RAB2B: variants seen among roughly 807,000 people sequenced by gnomAD.
RAB2B encodes ras-related protein Rab-2B.
RAB2B carries 20 observed loss-of-function variants against 29.8 expected under a neutral mutation model. The ratio of observed to expected loss-of-function variants is 0.67; its 90% CI spans 0.47 to 0.97. The LOEUF is 0.97. Ranked by LOEUF, RAB2B falls within the 50% of genes least tolerant of loss-of-function variation. The pLI is 0.00. For synonymous variants in RAB2B, 93 were observed against 91.7 expected (o/e 1.01, Z -0.08); for missense variants, 218 against 272.0 (o/e 0.80, Z 1.40).
Position 21,467,035 on chromosome 14 carries a change from T to C in RAB2B, c.362+1322A>G, listed in dbSNP as rs538305089. 3.3e-5 allele frequency among the ~76,000 whole-genome samples: 5 copies of C among 152,198 alleles called. No individual in the cohort carries two copies. In the South Asian group the frequency reaches 6.2e-4, roughly 19 times the overall value. On this transcript the variant is annotated intron_variant, in intron 5 of 7. Transcript: ENST00000397762. ...AATTCTCCTGCCTCAAGCTCCCAAATAGCTGGGACTAGAGGTGCGTGCCAC... is the reference window on the plus strand; with the variant it reads ...AATTCTCCTGCCTCAAGCTCCCAAACAGCTGGGACTAGAGGTGCGTGCCAC...
rs190223790 is a variant in RAB2B at position 21,460,379 on chromosome 14, G to A, written c.*817C>T. 4.2e-6 allele frequency: 2 copies of A among 480,728 alleles called. No homozygotes were observed. The highest frequency in any genetic ancestry group is 8.3e-6 in the Non-Finnish European group (2 of 240,526). The allele number at this position is 480,728 out of a possible 1,614,324, so 29.8% of individuals were successfully genotyped here. A position where few individuals can be genotyped will look rare whatever the true frequency, so the allele number is the denominator to read the frequency against. ...AGGTGGGCGGATCACGAGGTCAAGAGATCAAGACCATCCTGGCCAACATGG... is the reference window on the plus strand; with the variant it reads ...AGGTGGGCGGATCACGAGGTCAAGAAATCAAGACCATCCTGGCCAACATGG... On this transcript the variant is annotated 3_prime_UTR_variant, in exon 8 of 8. Coordinates refer to ENST00000397762, the MANE Select transcript of RAB2B (RefSeq NM_032846.4).
rs77141968 is a variant in RAB2B, at chr14:21,472,682, T to C, written c.186+2185A>G. ...AAGAACTAGGCCAGTTGGATGACCA[T>C]GTAGTTCTTAAGGATTCTGTCCAAA... On this transcript the variant is annotated intron_variant, in intron 3 of 7. Transcript: ENST00000397762. Among the ~76,000 whole-genome samples the C allele has an allele frequency of 2.6e-4, 40 of 152,304 alleles. No individual in the cohort carries two copies. The East Asian group carries it at 7.1e-3, about 27-fold the overall frequency.
At chr14:21,471,315 T>TA (rs945443906) in intron 3 of RAB2B, among the ~76,000 whole-genome samples, 3 of 151,334 alleles carry the variant, frequency 2.0e-5, no homozygotes, top group Admixed American at 6.6e-5. Context: ...CCATCCCCAG[T>TA]AAAAAAATCT....
intron 6 of RAB2B, 97 bp downstream of exon 6, chr14:21,463,559 C>T: frequency 1.0e-6 from 1 of 954,838 alleles, no homozygotes; most frequent in Non-Finnish European, 1.6e-6. Flanking sequence ...GACATCCTTT[C>T]TTTACCAATT....
intron 1 of RAB2B, 39 bp downstream of exon 1, chr14:21,476,788 G>T (rs554310472): frequency 2.1e-5 from 32 of 1,559,500 alleles, no homozygotes; most frequent in African/African-American, 2.0e-4. Flanking sequence ...AGCTTCGAAT[G>T]CCCGCCCGAG....
chr14:21,474,185 C>CT (rs962133026), intron 3 of RAB2B, among the ~76,000 whole-genome samples: 1 of 152,002 alleles, frequency 6.6e-6, no homozygotes, highest in Non-Finnish European at 1.5e-5. Flanking sequence ...GAGTGAATCT[C>CT]TGTCTCAAAA....
At chr14:21,464,181 C>G (rs1890635101) in intron 5 of RAB2B, among the ~76,000 whole-genome samples, 1 of 151,712 alleles carries the variant, frequency 6.6e-6, no homozygotes, top group Admixed American at 6.6e-5. Context: ...GCAGGTGGAT[C>G]ACGAGTTCAG....
intron 3 of RAB2B, among the ~76,000 whole-genome samples, chr14:21,473,176 A>G (rs1890860918): frequency 6.6e-6 from 1 of 152,204 alleles, no homozygotes; most frequent in Admixed American, 6.5e-5. Context: ...TGGGGAGGGA[A>G]GGAGAGGAAA....
chr14:21,471,014 AAAAAAAAAAATAG>A (rs1288522652), intron 3 of RAB2B, among the ~76,000 whole-genome samples: 6 of 141,290 alleles, frequency 4.2e-5, no homozygotes, highest in East Asian at 2.2e-4. Context: ...AAAAAAAAAA[AAAAAAAAAAATAG>A]GTGGGCGTGG....
At chr14:21,475,833 T>C (rs1200242631) in intron 2 of RAB2B, among the ~76,000 whole-genome samples, 1 of 152,222 alleles carries the variant, frequency 6.6e-6, no homozygotes, top group Non-Finnish European at 1.5e-5. Context: ...CAGGTGGGAC[T>C]TGGAAGTAGC....
chr14:21,468,088 A>C (rs1057455987), intron 5 of RAB2B, among the ~76,000 whole-genome samples: 7 of 152,106 alleles, frequency 4.6e-5, no homozygotes, highest in African/African-American at 1.7e-4. Context: ...TTAGTGTTGA[A>C]TGTGTATAGA....
chr14:21,467,404 C>T (rs960318859), intron 5 of RAB2B, among the ~76,000 whole-genome samples: 2 of 152,162 alleles, frequency 1.3e-5, no homozygotes, highest in Non-Finnish European at 2.9e-5. Flanking sequence ...AGCAATCCTT[C>T]CAGAGCTGGG....
intron 5 of RAB2B, among the ~76,000 whole-genome samples, chr14:21,466,223 G>A (rs1017830000): frequency 1.1e-4 from 17 of 152,118 alleles, no homozygotes; most frequent in Non-Finnish European, 4.4e-5. Context: ...GGTGGCTCAC[G>A]CCTGTAATCC....
rs1045812 is a variant in RAB2B at position 21,460,179 on chromosome 14, C to T, written c.*1017G>A. 79,605 of 517,196 alleles carry T rather than the reference C, an allele frequency of 0.15. 8,773 individuals carry two copies. The highest frequency in any genetic ancestry group is 0.36 in the African/African-American group (18,637 of 51,806). The allele number at this position is 517,196 out of a possible 1,614,324, so 32.0% of individuals were successfully genotyped here. A position where few individuals can be genotyped will look rare whatever the true frequency, so the allele number is the denominator to read the frequency against. ...GGAAGAAAAAAACTCAATGAAATTCCGAGGCAGAGGATCTATCAACCAAAG... is the reference window on the plus strand; with the variant it reads ...GGAAGAAAAAAACTCAATGAAATTCTGAGGCAGAGGATCTATCAACCAAAG... On this transcript the variant is annotated 3_prime_UTR_variant, in exon 8 of 8. Transcript: ENST00000397762.
chr14:21,476,278 T>C (rs1330989733), intron 2 of RAB2B: 5 of 434,314 alleles, frequency 1.2e-5, no homozygotes, highest in Non-Finnish European at 2.1e-5. Flanking sequence ...CAAATTGTAT[T>C]TGAAAAAAAA....
intron 3 of RAB2B, among the ~76,000 whole-genome samples, chr14:21,474,132 G>A (rs1048923876): frequency 3.3e-5 from 5 of 152,064 alleles, no homozygotes; most frequent in African/African-American, 7.3e-5. Context: ...TGGAGGTCGC[G>A]GTGAGCCAAG....
At chr14:21,468,931 A>G (rs146100466) in intron 3 of RAB2B, among the ~76,000 whole-genome samples, 179 bp from the exon 4 acceptor site, 41 of 151,764 alleles carry the variant, frequency 2.7e-4, no homozygotes, top group African/African-American at 9.4e-4. Flanking sequence ...TGGGAAATCA[A>G]TATTTTTCTA....
intron 6 of RAB2B, among the ~76,000 whole-genome samples, chr14:21,462,865 GA>G (rs1324169953): frequency 1.4e-5 from 2 of 141,926 alleles, no homozygotes; most frequent in South Asian, 2.2e-4. Flanking sequence ...AATCAAAAAA[GA>G]AAAAAAACAT....
Position 21,474,866 on chromosome 14 carries a change from C to T in RAB2B, c.186+1G>A. 1 of 1,612,730 alleles carries T rather than the reference C, an allele frequency of 6.2e-7. No homozygotes were observed. ...GAGACTAAATTATTTTGTACTCTCA[C>T]CGTATCCCAGATTTGCAGTTTGATT... On this transcript the variant is annotated splice_donor_variant, in intron 3 of 7. Coordinates refer to ENST00000397762, the MANE Select transcript of RAB2B (RefSeq NM_032846.4). LOFTEE classifies it high-confidence loss of function.
Sources: allele counts gnomAD v4.1 joint callset (sites outside exome capture counted in the v4.1 genomes callset), GRCh38; gene constraint gnomAD v4.1.1; transcripts MANE v1.5; gene names NCBI Gene and HGNC (gene_info 2026-07-23, HGNC 2026-07-21).